Variants in MAPK10 observed in about 807,000 individuals in gnomAD.
MAPK10 encodes mitogen-activated protein kinase 10, also known as JNK3 alpha protein kinase.
A neutral mutation model predicts 59.3 loss-of-function variants in MAPK10; 25 were observed. The observed-to-expected ratio is 0.42, with a 90% CI of 0.31 to 0.59. The LOEUF (loss-of-function observed/expected upper bound fraction) is 0.59, where lower values mean the gene tolerates loss of function less well. Among genes scored for constraint, MAPK10 ranks in the 20% least tolerant of loss-of-function variants. The probability of loss-of-function intolerance (pLI) is 0.15; values close to 1 mark genes in which losing one functional copy is unlikely to be tolerated. For missense variants in MAPK10, 351 were observed against 568.9 expected (o/e 0.62, Z 3.90); for synonymous variants, 190 against 200.5 (o/e 0.95, Z 0.44).
At chr4:86,271,837 C>A (rs1358792338) in intron 2 of MAPK10, among the ~76,000 whole-genome samples, 1 of 152,030 alleles carries the variant, frequency 6.6e-6, no homozygotes, top group Non-Finnish European at 1.5e-5. Flanking sequence ...ATGGGGGTCA[C>A]TGCCCTCCAT....
chr4:86,024,472 T>C (rs567454984), intron 13 of MAPK10: 2 of 152,324 alleles, frequency 1.3e-5, no homozygotes, highest in South Asian at 4.1e-4. Context: ...TGTTATGCCA[T>C]ACCAGTCAGC....
intron 3 of MAPK10, among the ~76,000 whole-genome samples, chr4:86,173,634 T>C (rs2074945356): frequency 1.3e-5 from 2 of 151,992 alleles, no homozygotes. Context: ...ACAAGTGGGA[T>C]CTAATTAAAC....
At chr4:86,354,253 C>A (rs1382518363) in intron 2 of MAPK10, among the ~76,000 whole-genome samples, 1 of 152,036 alleles carries the variant, frequency 6.6e-6, no homozygotes, top group East Asian at 1.9e-4. Context: ...TGTTACTCTG[C>A]CACATGAAAA....
At chr4:86,192,752 C>T (rs2080247001) in intron 3 of MAPK10, 1 of 151,564 alleles carries the variant, frequency 6.6e-6, no homozygotes, top group African/African-American at 2.4e-5. Context: ...TGTTTTTACC[C>T]ACCTTCTGAA....
intron 1 of MAPK10, among the ~76,000 whole-genome samples, chr4:86,549,169 G>A (rs1373940935): frequency 2.0e-5 from 3 of 151,938 alleles, no homozygotes; most frequent in Admixed American, 6.6e-5. Context: ...TCTTATCATC[G>A]TGATAGAAAT....
At position 86,046,483 on chromosome 4, in the gene MAPK10, A is replaced by G. The variant is rs367603548; in HGVS notation, c.1111-15052T>C. On this transcript the variant is annotated intron_variant, in intron 11 of 13. Coordinates refer to ENST00000641462, the MANE Select transcript of MAPK10 (RefSeq NM_138982.4). ...TATTATTTTGAGATTTTGGGCTGAGACAATGGGGTTTTCTAGATATACAAT... is the reference window on the plus strand; with the variant it reads ...TATTATTTTGAGATTTTGGGCTGAGGCAATGGGGTTTTCTAGATATACAAT... Among the ~76,000 whole-genome samples, 10 of 150,950 alleles carry G rather than the reference A, an allele frequency of 6.6e-5. 1 individual carries two copies. The South Asian group carries it at 1.2e-3, about 19-fold the overall frequency.
intron 10 of MAPK10, chr4:86,064,879 T>C (rs994398160): frequency 6.6e-6 from 1 of 152,494 alleles, no homozygotes; most frequent in African/African-American, 2.4e-5. Flanking sequence ...ATACAAATTT[T>C]TCTTTTCTTT....
intron 1 of MAPK10, among the ~76,000 whole-genome samples, chr4:86,382,821 T>C (rs1465964592): frequency 6.6e-6 from 1 of 152,172 alleles, no homozygotes; most frequent in Admixed American, 6.5e-5. Flanking sequence ...GAGCCACTGT[T>C]TTAGTTCAAC....
chr4:86,552,198 T>C (rs1434369719), intron 1 of MAPK10, among the ~76,000 whole-genome samples: 1 of 151,594 alleles, frequency 6.6e-6, no homozygotes. Flanking sequence ...GGCGGGAGGA[T>C]CTCTTGAGCT....
At chr4:86,371,655 G>A (rs999933021) in intron 1 of MAPK10, among the ~76,000 whole-genome samples, 1 of 152,272 alleles carries the variant, frequency 6.6e-6, no homozygotes, top group African/African-American at 2.4e-5. Flanking sequence ...GCATGCAGGT[G>A]ATTTCTGCAT....
intron 2 of MAPK10, among the ~76,000 whole-genome samples, chr4:86,199,595 C>T (rs751331057): frequency 1.3e-5 from 2 of 151,892 alleles, no homozygotes; most frequent in Admixed American, 6.6e-5. Flanking sequence ...TGGGAAGGGG[C>T]GTGCAGGGAG....
chr4:86,154,547 T>C (rs2067229404), intron 4 of MAPK10, among the ~76,000 whole-genome samples: 1 of 152,132 alleles, frequency 6.6e-6, no homozygotes, highest in African/African-American at 2.4e-5. Context: ...TTTACAATTT[T>C]CCATTGTTAA....
chr4:86,091,114 G>C (rs1483402770), intron 9 of MAPK10: 12 of 151,844 alleles, frequency 7.9e-5, no homozygotes, highest in Admixed American at 7.9e-4. Flanking sequence ...GTCTGATAAA[G>C]ATCCTTGCAC....
chr4:86,201,408 G>A lies in MAPK10; in HGVS notation c.-6-7001C>T, dbSNP rs1234525765. ...CTAAATTTTAATCATTTTAGGGAGT[G>A]TTTAAAAATATAATGCTGACTAAAA... On this transcript the variant is annotated intron_variant, in intron 2 of 13. Coordinates refer to ENST00000641462, the MANE Select transcript of MAPK10 (RefSeq NM_138982.4). Among the ~76,000 whole-genome samples the A allele has an allele frequency of 3.3e-5, 5 of 151,966 alleles. No homozygotes were observed. In the East Asian group the frequency reaches 5.8e-4, roughly 18 times the overall value.
intron 2 of MAPK10, among the ~76,000 whole-genome samples, chr4:86,322,337 A>G (rs746603936): frequency 3.3e-5 from 5 of 152,192 alleles, no homozygotes; most frequent in Non-Finnish European, 7.3e-5. Context: ...TTAGAACACA[A>G]TCTAGTCAGC....
chr4:86,239,587 G>A (rs1391227752), intron 2 of MAPK10, among the ~76,000 whole-genome samples: 1 of 152,032 alleles, frequency 6.6e-6, no homozygotes, highest in Admixed American at 6.6e-5. Flanking sequence ...GAGGGTGTAT[G>A]TATCCAGGAA....
chr4:86,571,478 A>G (rs1430009346), intron 1 of MAPK10, among the ~76,000 whole-genome samples: 1 of 152,000 alleles, frequency 6.6e-6, no homozygotes, highest in Non-Finnish European at 1.5e-5. Flanking sequence ...AAATAAAAGG[A>G]AAACTAGAGA....
chr4:86,546,726 G>A (rs1759208510), intron 1 of MAPK10, among the ~76,000 whole-genome samples: 1 of 152,142 alleles, frequency 6.6e-6, no homozygotes, highest in African/African-American at 2.4e-5. Context: ...TGCAGTGCTT[G>A]GAGGGGAAAA....
intron 11 of MAPK10, among the ~76,000 whole-genome samples, chr4:86,051,312 C>G (rs2043480727): frequency 6.6e-6 from 1 of 152,168 alleles, no homozygotes. Context: ...TCTGTCTCAT[C>G]TATTCTACCT....
Sources: gnomAD v4.1 joint callset for allele counts (sites outside exome capture counted in the v4.1 genomes callset) on GRCh38, gnomAD v4.1.1 for gene constraint, MANE v1.5 for transcripts, NCBI Gene and HGNC (gene_info 2026-07-23, HGNC 2026-07-21) for gene names.